Variants in BBS9 observed in about 807,000 individuals in gnomAD.
The protein encoded by BBS9 is Bardet-Biedl syndrome 9, also known as protein PTHB1.
A neutral mutation model predicts 117.7 loss-of-function variants in BBS9; 89 were observed. The observed-to-expected ratio is 0.76, with a 90% confidence interval of 0.64 to 0.90. BBS9 has a LOEUF of 0.90. Among genes scored for constraint, BBS9 ranks in the 40% least tolerant of loss-of-function variants. BBS9 has a pLI of 0.00. For synonymous variants in BBS9, 379 were observed against 370.9 expected (o/e 1.02, Z -0.25); for missense variants, 982 against 1,042.2 (o/e 0.94, Z 0.80).
At chr7:33,361,935 T>C (rs1381958848) in intron 16 of BBS9, among the ~76,000 whole-genome samples, 2 of 152,176 alleles carry the variant, frequency 1.3e-5, no homozygotes, top group African/African-American at 4.8e-5. Flanking sequence ...ATTTGAAGCG[T>C]ATAATTTTGA....
chr7:33,532,591 A>G (rs1585154264), intron 20 of BBS9, among the ~76,000 whole-genome samples: 2 of 152,140 alleles, frequency 1.3e-5, no homozygotes, highest in Admixed American at 6.5e-5. Context: ...TCACGAGAAC[A>G]GCATGAGGGT....
At chr7:33,323,654 A>C (rs1812190008) in intron 9 of BBS9, among the ~76,000 whole-genome samples, 1 of 151,894 alleles carries the variant, frequency 6.6e-6, no homozygotes, top group Admixed American at 6.6e-5. Context: ...TGTTTCTTGT[A>C]GGCAGCTGAT....
chr7:33,289,128 T>C (rs536232426), intron 9 of BBS9, among the ~76,000 whole-genome samples: 1 of 152,322 alleles, frequency 6.6e-6, no homozygotes, highest in Admixed American at 6.5e-5. Flanking sequence ...TTAGTGCGAT[T>C]CAATATTCTA....
intron 19 of BBS9, among the ~76,000 whole-genome samples, chr7:33,469,461 A>G (rs1350189554): frequency 6.6e-6 from 1 of 152,180 alleles, no homozygotes; most frequent in African/African-American, 2.4e-5. Context: ...GTAATATTAC[A>G]AAGTCCTATC....
At chr7:33,440,977 A>G (rs1192491309) in intron 19 of BBS9, among the ~76,000 whole-genome samples, 1 of 152,202 alleles carries the variant, frequency 6.6e-6, no homozygotes, top group African/African-American at 2.4e-5. Flanking sequence ...TTAGTGGGGT[A>G]TTGGTTATAC....
intron 5 of BBS9, among the ~76,000 whole-genome samples, chr7:33,195,983 T>C (rs1784875378): frequency 6.6e-6 from 1 of 152,164 alleles, no homozygotes; most frequent in Non-Finnish European, 1.5e-5. Flanking sequence ...CTATAATTGT[T>C]AGTAAAGGAA....
Position 33,534,090 on chromosome 7 carries a change from T to C in BBS9, c.2435T>C (p.Ile812Thr), listed in dbSNP as rs752588678. ...GACACAAGCCAACTGAAGAAACATATCACCTTGCTCTGCGATAGATTATCC... is the reference window on the plus strand; with the variant it reads ...GACACAAGCCAACTGAAGAAACATACCACCTTGCTCTGCGATAGATTATCC... ...PKDTSQLKKH[I>T]TLLCDRLSKG... Residue 812 changes from isoleucine (I) to threonine (T), a missense_variant, in exon 21 of 23, where the codon ATC (isoleucine) becomes ACC (threonine). Ile to Thr is a moderately conservative substitution (Grantham distance 89). Transcript: ENST00000242067. The C allele has an allele frequency of 1.2e-6, 2 of 1,614,138 alleles. No individual in the cohort carries two copies. Among genetic ancestry groups the C allele is most frequent in the South Asian group, 2.2e-5 (2 of 91,080 alleles).
At chr7:33,196,127 C>A (rs1784896561) in intron 5 of BBS9, among the ~76,000 whole-genome samples, 1 of 151,924 alleles carries the variant, frequency 6.6e-6, no homozygotes, top group Admixed American at 6.6e-5. Flanking sequence ...GAATAAAAGT[C>A]CTGCCAAAGA....
intron 9 of BBS9, among the ~76,000 whole-genome samples, chr7:33,320,325 A>C (rs966910459): frequency 6.6e-6 from 1 of 152,172 alleles, no homozygotes; most frequent in African/African-American, 2.4e-5. Flanking sequence ...ACCCACAAAT[A>C]AGCAAGAACA....
At chr7:33,327,071 T>C (rs1813011158) in intron 9 of BBS9, among the ~76,000 whole-genome samples, 1 of 152,098 alleles carries the variant, frequency 6.6e-6, no homozygotes, top group African/African-American at 2.4e-5. Flanking sequence ...GGAATTGTGG[T>C]TCTTGTGGCC....
At chr7:33,381,857 AG>A (rs1478550513) in intron 17 of BBS9, among the ~76,000 whole-genome samples, 1 of 152,202 alleles carries the variant, frequency 6.6e-6, no homozygotes, top group Admixed American at 6.5e-5. Flanking sequence ...TCATTGTGAA[AG>A]GGAATGACTA....
At chr7:33,204,618 G>C (rs1459000024) in intron 5 of BBS9, among the ~76,000 whole-genome samples, 1 of 152,008 alleles carries the variant, frequency 6.6e-6, no homozygotes, top group Non-Finnish European at 1.5e-5. Flanking sequence ...TCTTCATTCA[G>C]ATGAAAACCT....
chr7:33,216,298 G>GT (rs1789051445), intron 5 of BBS9, among the ~76,000 whole-genome samples: 1 of 152,140 alleles, frequency 6.6e-6, no homozygotes, highest in African/African-American at 2.4e-5. Flanking sequence ...ATTAGTAGCA[G>GT]AAATTCTTTA....
At chr7:33,426,094 A>G (rs1193026050) in intron 19 of BBS9, among the ~76,000 whole-genome samples, 1 of 152,240 alleles carries the variant, frequency 6.6e-6, no homozygotes, top group African/African-American at 2.4e-5. Context: ...CATTGCATGT[A>G]GGAAAATGTA....
chr7:33,357,303 G>A (rs2128685047), intron 15 of BBS9, among the ~76,000 whole-genome samples: 1 of 151,866 alleles, frequency 6.6e-6, no homozygotes, highest in East Asian at 1.9e-4. Flanking sequence ...ATATTAATGT[G>A]TAAAATGAAC....
intron 21 of BBS9, among the ~76,000 whole-genome samples, 164 bp from the exon 22 acceptor site, chr7:33,604,701 C>A (rs887894511): frequency 2.6e-5 from 4 of 152,084 alleles, no homozygotes; most frequent in Admixed American, 6.6e-5. Flanking sequence ...AGTATTCTCA[C>A]CAAAAAGAAA....
intron 19 of BBS9, among the ~76,000 whole-genome samples, chr7:33,441,546 A>G (rs1025629236): frequency 2.0e-5 from 3 of 152,136 alleles, no homozygotes; most frequent in Non-Finnish European, 4.4e-5. Context: ...AATTATGTCT[A>G]TTTCTTTAGA....
At chr7:33,385,491 C>A (rs923590223) in intron 18 of BBS9, among the ~76,000 whole-genome samples, 3 of 152,132 alleles carry the variant, frequency 2.0e-5, no homozygotes, top group African/African-American at 7.2e-5. Flanking sequence ...GTGCCTGGAC[C>A]AGGGTTTGGC....
chr7:33,333,635 A>G lies in BBS9; in HGVS notation c.1017-2806A>G, dbSNP rs189193932. Among the ~76,000 whole-genome samples the G allele has an allele frequency of 4.6e-4, 69 of 150,344 alleles. 2 individuals carry two copies. In the South Asian group the frequency reaches 8.2e-3, roughly 18 times the overall value. On this transcript the variant is annotated intron_variant, in intron 9 of 22. Coordinates refer to ENST00000242067, the MANE Select transcript of BBS9 (RefSeq NM_198428.3). ...AAGCTATAATGTCTTTTTTTTTTTGAGACCGAGTCTTGCTGTGTTGCCCAG... is the reference window on the plus strand; with the variant it reads ...AAGCTATAATGTCTTTTTTTTTTTGGGACCGAGTCTTGCTGTGTTGCCCAG...
Sources: allele counts gnomAD v4.1 joint callset (sites outside exome capture counted in the v4.1 genomes callset), GRCh38; gene constraint gnomAD v4.1.1; transcripts MANE v1.5; gene names NCBI Gene and HGNC (gene_info 2026-07-23, HGNC 2026-07-21).